HRNR: variants seen among roughly 807,000 people sequenced by gnomAD.
HRNR encodes the protein hornerin.
HRNR carries 7 observed loss-of-function variants against 4.8 expected under a neutral mutation model. That is an observed-to-expected ratio of 1.47 (90% CI 0.83 to 2.75). The LOEUF (loss-of-function observed/expected upper bound fraction) is 2.75. HRNR is among the 30% of genes most tolerant of loss of function. HRNR has a pLI of 0.00. For missense variants in HRNR, 2,879 were observed against 3,010.4 expected, an observed-to-expected ratio of 0.96 and a Z score of 1.02; for synonymous variants, 1,023 against 1,242.7, an observed-to-expected ratio of 0.82 and a Z score of 3.72.
chr1:152,224,083 C>T (rs1161254838), intron 1 of HRNR, 60 bp downstream of exon 1: 1 of 152,116 alleles, frequency 6.6e-6, no homozygotes, highest in Non-Finnish European at 1.5e-5. Flanking sequence ...AGAGCACATC[C>T]TGGACTTTCA....
chr1:152,220,514 G>T lies in HRNR; in HGVS notation c.1115C>A (p.Ser372Tyr). The T allele has an allele frequency of 6.2e-7, 1 of 1,612,246 alleles. No homozygotes were observed. Among genetic ancestry groups the T allele is most frequent in the Non-Finnish European group, 8.5e-7 (1 of 1,178,804 alleles). ...CGTAGATCCATGTTGTCCCTGGCTA[G>T]AGGAGTGACCTGAGCCAGAACCATG... ...SKHGSGSGHS[S>Y]SQGQHGSTSG... Residue 372 changes from serine to tyrosine, a missense_variant, in exon 3 of 3, where the codon TCT becomes TAT. Transcript: ENST00000368801.
chr1:152,219,408 G>A lies in HRNR; in HGVS notation c.2221C>T (p.Gln741Ter), dbSNP rs142961591. Residue 741 changes from glutamine (Q) to a stop codon, truncating the protein, a stop_gained, in exon 3 of 3, where the codon CAA (glutamine) becomes TAA (stop). Coordinates refer to ENST00000368801, the MANE Select transcript of HRNR (RefSeq NM_001009931.3). LOFTEE classifies it low-confidence loss of function (END_TRUNC). ...GACAAACCTGAGCTAGATCCGTGTT[G>A]TTCACTCCTAGATGACTGTCCTGAC... ...SRSGQSSRSE[Q>*]HGSSSGLSSS... is the part of the protein sequence containing the mutation. The A allele has an allele frequency of 4.3e-6, 7 of 1,613,964 alleles. No homozygotes were observed. Among genetic ancestry groups the A allele is most frequent in the East Asian group, 2.2e-5 (1 of 44,878 alleles).
In HRNR at chr1:152,219,761, C is replaced by G. The variant is rs1186677369; in HGVS notation, c.1868G>C (p.Cys623Ser). 1 of 1,613,418 alleles carries G rather than the reference C, an allele frequency of 6.2e-7. No individual in the cohort carries two copies. The highest frequency in any genetic ancestry group is 1.3e-5 in the African/African-American group (1 of 74,880). The part of the protein sequence containing the change: ...HGSTSGQSSS[C>S]GQHGATSGQS... ...ACCTGAGGTAGCTCCATGTTGGCCA[C>G]AGCTCGATGACTGTCCTGATGTAGA... Residue 623 changes from cysteine to serine, a missense_variant, in exon 3 of 3, where the codon TGT becomes TCT. Cys to Ser is a moderately radical substitution (Grantham distance 112). Transcript: ENST00000368801.
chr1:152,220,387 G>T lies in HRNR; in HGVS notation c.1242C>A (p.Gly414=). ...ESASRHSSGR[G]QHSSGSGQSP... is the part of the protein sequence containing the mutation. ...ACTGGCCAGATCCAGAGCTGTGTTG[G>T]CCGCGGCCTGAAGAGTGACGGGAGG... Residue 414 remains glycine (G), a synonymous_variant, in exon 3 of 3, where the codon GGC becomes GGA. Coordinates refer to ENST00000368801, the MANE Select transcript of HRNR (RefSeq NM_001009931.3). 1 of 1,614,054 alleles carries T rather than the reference G, an allele frequency of 6.2e-7. No individual in the cohort carries two copies. Among genetic ancestry groups the T allele is most frequent in the Non-Finnish European group, 8.5e-7 (1 of 1,180,020 alleles).
rs749602341 is a variant in HRNR at position 152,220,316 on chromosome 1, C to G, written c.1313G>C (p.Ser438Thr). ...AAAGCCAGTCCCATGTTGGCCGGAG[C>G]TGGGAGACTGCCCTGACCCAGACCC... ...QRGSGSGQSP[S>T]SGQHGTGFGR... Residue 438 changes from serine (S) to threonine (T), a missense_variant, in exon 3 of 3, where the codon AGC (serine) becomes ACC (threonine). By Grantham distance (58) the Ser-to-Thr change is moderately conservative (BLOSUM62 1). Around this residue, in one of 8 missense-constraint regions of HRNR, gnomAD observed 2,646 missense variants for 1,377.7 expected, o/e 1.92. Coordinates refer to ENST00000368801, the MANE Select transcript of HRNR (RefSeq NM_001009931.3). 9 of 1,613,532 alleles carry G rather than the reference C, an allele frequency of 5.6e-6. No individual in the cohort carries two copies.
Position 152,219,749 on chromosome 1 carries a change from C to T in HRNR, c.1880G>A (p.Gly627Glu), listed in dbSNP as rs776098019. 6.2e-7 allele frequency: 1 copy of T among 1,613,408 alleles called. No individual in the cohort carries two copies. Among genetic ancestry groups the T allele is most frequent in the Non-Finnish European group, 8.5e-7 (1 of 1,179,632 alleles). Residue 627 changes from glycine (G) to glutamate (E), a missense_variant, in exon 3 of 3, where the codon GGA (glycine) becomes GAA (glutamate). Physicochemically the swap from Gly to Glu is moderately conservative, Grantham distance 98. This residue lies in a region of HRNR where 2,646 missense variants were observed against 1,377.7 expected (regional missense o/e 1.92). Coordinates refer to ENST00000368801, the MANE Select transcript of HRNR (RefSeq NM_001009931.3). ...SGQSSSCGQH[G>E]ATSGQSSSHG... ...GCTGGAAGACTGACCTGAGGTAGCT[C>T]CATGTTGGCCACAGCTCGATGACTG...
At position 152,218,736 on chromosome 1, in the gene HRNR, C is replaced by T. The variant is rs147048905; in HGVS notation, c.2893G>A (p.Gly965Arg). 79 of 1,613,944 alleles carry T rather than the reference C, an allele frequency of 4.9e-5. No homozygotes were observed. The African/African-American group carries it at 9.1e-4, about 19-fold the overall frequency. The change falls in exon 3 of 3, where the codon GGA (glycine) becomes AGA (arginine). Residue 965 changes from glycine (G) to arginine (R), a missense_variant. By Grantham distance (125) the Gly-to-Arg change is moderately radical. Around this residue, in one of 8 missense-constraint regions of HRNR, gnomAD observed 2,646 missense variants for 1,377.7 expected, o/e 1.92. Coordinates refer to ENST00000368801, the MANE Select transcript of HRNR (RefSeq NM_001009931.3). ...SSYEQHGSRSGQSSRSEQHGS... is the reference protein window; with the variant it reads ...SSYEQHGSRSRQSSRSEQHGS... ...TGTTGTTCGCTCCTAGATGACTGTC[C>T]TGACCTAGAGCCGTGTTGTTCGTAG... is the stretch of plus-strand genomic sequence containing the variant.
In HRNR at chr1:152,220,658, T is replaced by G. The variant is rs1557846100; in HGVS notation, c.971A>C (p.Gln324Pro). ...AGAGTAACTTGAGCCAGACCCGTGT[T>G]GGCCGTGGCTGGAGGAGTGCCCCGA... Reference protein sequence around the residue: ...SGSGHSSSHGQHGSGSSYSYS... With the variant: ...SGSGHSSSHGPHGSGSSYSYS... Residue 324 changes from glutamine (Q) to proline (P), a missense_variant, in exon 3 of 3, where the codon CAA (glutamine) becomes CCA (proline). Physicochemically the swap from Gln to Pro is moderately conservative, Grantham distance 76. Coordinates refer to ENST00000368801, the MANE Select transcript of HRNR (RefSeq NM_001009931.3). 1 of 1,612,444 alleles carries G rather than the reference T, an allele frequency of 6.2e-7. No individual in the cohort carries two copies. The highest frequency in any genetic ancestry group is 8.5e-7 in the Non-Finnish European group (1 of 1,178,882).
In HRNR at chr1:152,220,959, C is replaced by T. The variant is rs148451599; in HGVS notation, c.670G>A (p.Gly224Ser). ...CTAAAGCCAGAAGACTGGCCTGAGC[C>T]AGACCCATGTGTGTCATTGCTGGAA... ...QSSSNDTHGS[G>S]SGQSSGFSQH... Residue 224 changes from glycine (G) to serine (S), a missense_variant, in exon 3 of 3, where the codon GGC becomes AGC. Gly to Ser is a moderately conservative substitution (Grantham distance 56). Coordinates refer to ENST00000368801, the MANE Select transcript of HRNR (RefSeq NM_001009931.3). The T allele has an allele frequency of 4.3e-6, 7 of 1,612,360 alleles. No homozygotes were observed. The highest frequency in any genetic ancestry group is 5.9e-6 in the Non-Finnish European group (7 of 1,178,392).
Position 152,212,810 on chromosome 1 carries a change from A to C in HRNR, c.*266T>G. The C allele has an allele frequency of 1.9e-6, 1 of 518,284 alleles. No individual in the cohort carries two copies. Among genetic ancestry groups the C allele is most frequent in the Admixed American group, 3.7e-5 (1 of 26,882 alleles). 32.1% of individuals were successfully genotyped at this position (518,284 alleles called of 1,614,324 possible). On this transcript the variant is annotated 3_prime_UTR_variant, in exon 3 of 3. Coordinates refer to ENST00000368801, the MANE Select transcript of HRNR (RefSeq NM_001009931.3). ...CAAAGCTCTTTAAAAGCTTTTCATTATTCCTCAAAGTTTAACCCTCATTCT... is the reference window on the plus strand; with the variant it reads ...CAAAGCTCTTTAAAAGCTTTTCATTCTTCCTCAAAGTTTAACCCTCATTCT...
At position 152,220,029 on chromosome 1, in the gene HRNR, C is replaced by T. The variant is rs568199564; in HGVS notation, c.1600G>A (p.Gly534Arg). 2 of 1,613,830 alleles carry T rather than the reference C, an allele frequency of 1.2e-6. No individual in the cohort carries two copies. The highest frequency in any genetic ancestry group is 2.2e-5 in the East Asian group (1 of 44,846). ...CTAGGAGACTGGCCAGATCCAGACC[C>T]ATGTCGGCTGTGTCCCAAAGATTGA... ...SRQSLGHSRH[G>R]SGSGQSPSPS... The change falls in exon 3 of 3, where the codon GGG becomes AGG. Residue 534 changes from glycine to arginine, a missense_variant. Gly to Arg is a moderately radical substitution (Grantham distance 125). Around this residue, in one of 8 missense-constraint regions of HRNR, gnomAD observed 2,646 missense variants for 1,377.7 expected, o/e 1.92. Transcript: ENST00000368801.
Position 152,212,718 on chromosome 1 carries a change from T to C in HRNR, c.*358A>G, listed in dbSNP as rs1236418428. 1.1e-5 allele frequency: 3 copies of C among 273,946 alleles called. No individual in the cohort carries two copies. Among genetic ancestry groups the C allele is most frequent in the African/African-American group, 2.3e-5 (1 of 44,324 alleles). The allele number at this position is 273,946 out of a possible 1,614,324, so 17.0% of individuals were successfully genotyped here. On this transcript the variant is annotated 3_prime_UTR_variant, in exon 3 of 3. Coordinates refer to ENST00000368801, the MANE Select transcript of HRNR (RefSeq NM_001009931.3). ...TGTAATATTTTGCTTCTAAGAAATG[T>C]AAGGTTAGCTTTGGCACCATCTATA...
chr1:152,219,004 A>T lies in HRNR; in HGVS notation c.2625T>A (p.His875Gln). The T allele has an allele frequency of 5.6e-6, 9 of 1,613,758 alleles. No homozygotes were observed. The highest frequency in any genetic ancestry group is 1.7e-5 in the Admixed American group (1 of 59,996). ...CATGTCGGCCGCGGCCCGAAGCGTGATGGGAGGCAGACTCATGCTGACCAT... is the reference window on the plus strand; with the variant it reads ...CATGTCGGCCGCGGCCCGAAGCGTGTTGGGAGGCAGACTCATGCTGACCAT... ...SSYGQHESASHHASGRGRHGS... is the reference protein window; with the variant it reads ...SSYGQHESASQHASGRGRHGS... Residue 875 changes from histidine to glutamine, a missense_variant, in exon 3 of 3, where the codon CAT becomes CAA. Transcript: ENST00000368801.
At chr1:152,224,069 C>T (rs1649089533) in intron 1 of HRNR, 74 bp downstream of exon 1, 1 of 152,184 alleles carries the variant, frequency 6.6e-6, no homozygotes, top group Non-Finnish European at 1.5e-5. Flanking sequence ...TGCCTCTTTG[C>T]CTTAGAGCAC....
At position 152,212,239 on chromosome 1, in the gene HRNR, G is replaced by A. The variant is rs897487480; in HGVS notation, c.*837C>T. 5 of 152,116 alleles carry A rather than the reference G, an allele frequency of 3.3e-5. No individual in the cohort carries two copies. Among genetic ancestry groups the A allele is most frequent in the Admixed American group, 6.5e-5 (1 of 15,274 alleles). 9.4% of individuals were successfully genotyped at this position (152,116 alleles called of 1,614,324 possible). On this transcript the variant is annotated 3_prime_UTR_variant, in exon 3 of 3. Coordinates refer to ENST00000368801, the MANE Select transcript of HRNR (RefSeq NM_001009931.3). ...GGATGATATTTTTTCAGGTGGAAAC[G>A]TTATTGAACTACAGTAGTAGGTGGA...
chr1:152,222,642 A>C (rs191632612), intron 2 of HRNR, among the ~76,000 whole-genome samples: 13 of 152,322 alleles, frequency 8.5e-5, no homozygotes, highest in Admixed American at 4.6e-4. Context: ...AATATCTGAC[A>C]TCTGATATCT....
chr1:152,224,067 T>C (rs1376303667), intron 1 of HRNR, 76 bp downstream of exon 1: 1 of 152,310 alleles, frequency 6.6e-6, no homozygotes, highest in South Asian at 2.1e-4. Flanking sequence ...AGTGCCTCTT[T>C]GCCTTAGAGC....
Position 152,221,076 on chromosome 1 carries a change from C to T in HRNR, c.553G>A (p.Asp185Asn), listed in dbSNP as rs140507602. ...CCGCGGCCTGAAGACTGATGGGAGT[C>T]GGAGTTTTGCTCACCATAGCTGGAA... ...QSSSYGEQNS[D>N]SHQSSGRGQC... The change falls in exon 3 of 3, where the codon GAC (aspartate) becomes AAC (asparagine). Residue 185 changes from aspartate (D) to asparagine (N), a missense_variant. Asp to Asn is a conservative substitution (Grantham distance 23, BLOSUM62 1). Coordinates refer to ENST00000368801, the MANE Select transcript of HRNR (RefSeq NM_001009931.3). 2.0e-4 allele frequency: 323 copies of T among 1,613,326 alleles called. No individual in the cohort carries two copies. The highest frequency in any genetic ancestry group is 2.5e-4 in the Admixed American group (15 of 59,966).
At position 152,220,704 on chromosome 1, in the gene HRNR, G is replaced by A. The variant is rs773195834; in HGVS notation, c.925C>T (p.His309Tyr). The change falls in exon 3 of 3, where the codon CAC becomes TAC. Residue 309 changes from histidine to tyrosine, a missense_variant. Around this residue, in one of 8 missense-constraint regions of HRNR, gnomAD observed 2,646 missense variants for 1,377.7 expected, o/e 1.92. Coordinates refer to ENST00000368801, the MANE Select transcript of HRNR (RefSeq NM_001009931.3). Reference sequence around the variant, plus strand: ...CCCGAACCGGACCCATGTCGGACGTGGCTAGGAGACTGGCGAGATCCAGAC... The same window carrying A: ...CCCGAACCGGACCCATGTCGGACGTAGCTAGGAGACTGGCGAGATCCAGAC... Reference protein sequence around the residue: ...QGSGSRQSPSHVRHGSGSGHS... With the variant: ...QGSGSRQSPSYVRHGSGSGHS... 3 of 1,613,126 alleles carry A rather than the reference G, an allele frequency of 1.9e-6. No individual in the cohort carries two copies. The South Asian group carries it at 3.3e-5, about 18-fold the overall frequency.
Sources: allele counts gnomAD v4.1 joint callset (sites outside exome capture counted in the v4.1 genomes callset), GRCh38; gene constraint gnomAD v4.1.1; regional missense constraint gnomAD v4.1.1; transcripts MANE v1.5; gene names NCBI Gene and HGNC (gene_info 2026-07-23, HGNC 2026-07-21).